Variants in WEE2 observed in about 807,000 individuals in gnomAD.
WEE2 encodes WEE2 oocyte meiosis inhibiting kinase, also known as wee1-like protein kinase 2.
WEE2 carries 50 observed loss-of-function variants against 60.1 expected under a neutral mutation model. The observed-to-expected ratio is 0.83, with a 90% CI of 0.66 to 1.05. WEE2 has a LOEUF of 1.05. WEE2 is among the 50% of genes least tolerant of loss of function. The pLI, the probability that WEE2 is intolerant of heterozygous loss-of-function variation, is 0.00. For synonymous variants in WEE2, 240 were observed against 241.0 expected (o/e 1.00, Z 0.04); for missense variants, 631 against 684.3 (o/e 0.92, Z 0.87).
chr7:141,723,097 T>C, intron 5 of WEE2, 37 bp from the exon 6 acceptor site: 1 of 1,612,364 alleles, frequency 6.2e-7, no homozygotes, highest in Non-Finnish European at 8.5e-7. Flanking sequence ...TCTATAAGAC[T>C]CATACTGTGG....
At chr7:141,727,653 A>G in intron 10 of WEE2, 1 of 542,842 alleles carries the variant, frequency 1.8e-6, no homozygotes, top group Non-Finnish European at 3.1e-6. Context: ...CTTGAGAGAG[A>G]AAATTCCAGT....
chr7:141,723,592 C>G (rs1798958915), intron 6 of WEE2, among the ~76,000 whole-genome samples: 1 of 152,178 alleles, frequency 6.6e-6, no homozygotes, highest in Non-Finnish European at 1.5e-5. Context: ...TAGGGCTATA[C>G]TCATTCTAAC....
intron 8 of WEE2, among the ~76,000 whole-genome samples, 184 bp from the exon 9 acceptor site, chr7:141,724,842 G>C (rs1024048398): frequency 6.6e-6 from 1 of 152,216 alleles, no homozygotes; most frequent in Non-Finnish European, 1.5e-5. Flanking sequence ...GCACAGCAGT[G>C]TTAATCAGGT....
intron 3 of WEE2, among the ~76,000 whole-genome samples, chr7:141,717,223 A>AACTTCAT (rs1444848418): frequency 6.6e-6 from 1 of 152,242 alleles, no homozygotes; most frequent in African/African-American, 2.4e-5. Context: ...GAATGGTGGA[A>AACTTCAT]ACTTCATATT....
At chr7:141,725,229 A>G in intron 9 of WEE2, 33 bp downstream of exon 9, 2 of 1,592,166 alleles carry the variant, frequency 1.3e-6, no homozygotes, top group East Asian at 2.2e-5. Context: ...CAGAAGATGC[A>G]ATATCTATTT....
chr7:141,710,594 A>G (rs1286292765), intron 1 of WEE2, among the ~76,000 whole-genome samples: 1 of 152,240 alleles, frequency 6.6e-6, no homozygotes, highest in African/African-American at 2.4e-5. Flanking sequence ...AGAAGGAATT[A>G]GGAATTACAT....
chr7:141,724,919 G>C, intron 8 of WEE2, 107 bp from the exon 9 acceptor site: 1 of 1,305,216 alleles, frequency 7.7e-7, no homozygotes, highest in Non-Finnish European at 1.1e-6. Context: ...CGTCGTGTCT[G>C]TTTAAACCTT....
intron 5 of WEE2, among the ~76,000 whole-genome samples, chr7:141,721,944 T>C (rs577797702): frequency 4.1e-4 from 63 of 152,366 alleles, no homozygotes; most frequent in African/African-American, 1.3e-3. Flanking sequence ...TTACATGTCA[T>C]GCTAAAATAA....
intron 10 of WEE2, among the ~76,000 whole-genome samples, chr7:141,728,865 G>T (rs1012198254): frequency 2.0e-5 from 3 of 152,206 alleles, no homozygotes; most frequent in African/African-American, 7.2e-5. Context: ...GATCTAGGTT[G>T]TGTACTCCTT....
chr7:141,716,875 A>AT (rs1327412287), intron 3 of WEE2, among the ~76,000 whole-genome samples: 3 of 152,234 alleles, frequency 2.0e-5, no homozygotes, highest in African/African-American at 7.2e-5. Context: ...ATTTGATTTT[A>AT]TAATGTTCAC....
chr7:141,730,275 C>A lies in WEE2; in HGVS notation c.1679-20C>A, dbSNP rs1217820690. ...CCACTGATCAATAACTTATTTACTT[C>A]TCACACTTTTGATGAACAGCAGGAG... On this transcript the variant is annotated intron_variant, in intron 11 of 11. Transcript: ENST00000397541. 6.2e-7 allele frequency: 1 copy of A among 1,612,042 alleles called. No homozygotes were observed. Among genetic ancestry groups the A allele is most frequent in the Non-Finnish European group, 8.5e-7 (1 of 1,178,988 alleles).
At position 141,729,674 on chromosome 7, in the gene WEE2, G is replaced by A; in HGVS notation, c.1678+1G>A. ...AGTGCAAGGTCTTCAAGCTTTACCT[G>A]TGAGTAATCTTCCCCTTAAGAACTC... On this transcript the variant is annotated splice_donor_variant, in intron 11 of 11. Coordinates refer to ENST00000397541, the MANE Select transcript of WEE2 (RefSeq NM_001105558.1). LOFTEE classifies it high-confidence loss of function. 1 of 1,608,736 alleles carries A rather than the reference G, an allele frequency of 6.2e-7. No individual in the cohort carries two copies. Among genetic ancestry groups the A allele is most frequent in the Non-Finnish European group, 8.5e-7 (1 of 1,178,278 alleles).
intron 10 of WEE2, among the ~76,000 whole-genome samples, chr7:141,728,712 G>A (rs977427659): frequency 2.0e-5 from 3 of 152,208 alleles, no homozygotes; most frequent in African/African-American, 4.8e-5. Flanking sequence ...GTACCAGTCT[G>A]TGGCCTGTTA....
chr7:141,729,316 C>T (rs1799081292), intron 10 of WEE2, among the ~76,000 whole-genome samples: 1 of 152,324 alleles, frequency 6.6e-6, no homozygotes, highest in Middle Eastern at 3.4e-3. Context: ...TCAGCAGAGC[C>T]TGGGGAGCTA....
intron 1 of WEE2, among the ~76,000 whole-genome samples, chr7:141,712,458 C>G (rs1798723602): frequency 1.3e-5 from 2 of 152,176 alleles, no homozygotes; most frequent in African/African-American, 4.8e-5. Context: ...CCTGTGTCAT[C>G]TTTCAATAAA....
intron 2 of WEE2, 131 bp from the exon 3 acceptor site, chr7:141,716,091 A>T: frequency 4.2e-6 from 3 of 711,994 alleles, no homozygotes; most frequent in Non-Finnish European, 6.7e-6. Context: ...TTTCCTGGTT[A>T]TCCCTGCCTC....
At position 141,729,682 on chromosome 7, in the gene WEE2, T is replaced by C; in HGVS notation, c.1678+9T>C. On this transcript the variant is annotated intron_variant, in intron 11 of 11. Coordinates refer to ENST00000397541, the MANE Select transcript of WEE2 (RefSeq NM_001105558.1). ...GTCTTCAAGCTTTACCTGTGAGTAA[T>C]CTTCCCCTTAAGAACTCATTTTGCA... The C allele has an allele frequency of 6.2e-7, 1 of 1,606,474 alleles. No individual in the cohort carries two copies. The highest frequency in any genetic ancestry group is 8.5e-7 in the Non-Finnish European group (1 of 1,177,442).
Position 141,723,262 on chromosome 7 carries a change from C to T in WEE2, c.1009C>T (p.His337Tyr), listed in dbSNP as rs1043177294. The change falls in exon 6 of 12, where the codon CAC (histidine) becomes TAC (tyrosine). Residue 337 changes from histidine to tyrosine, a missense_variant. Transcript: ENST00000397541. ...TTACATCCACAACTCTAGCATGGTA[C>T]ACCTGGACATCAAACCTAGTCAGTG... ...LNYIHNSSMVHLDIKPSNIFI... is the reference protein window; with the variant it reads ...LNYIHNSSMVYLDIKPSNIFI... 1 of 1,613,822 alleles carries T rather than the reference C, an allele frequency of 6.2e-7. No individual in the cohort carries two copies. Among genetic ancestry groups the T allele is most frequent in the Non-Finnish European group, 8.5e-7 (1 of 1,179,956 alleles).
rs760825983 is a variant in WEE2, at chr7:141,725,134, C to T, written c.1330C>T (p.Arg444Cys). ...PTNGAAWHHI[R>C]KGNFPDVPQE... is the part of the protein sequence containing the mutation. ...CAATGGTGCTGCATGGCACCATATC[C>T]GCAAGGGTAACTTTCCGGACGTTCC... is the stretch of plus-strand genomic sequence containing the variant. Residue 444 changes from arginine to cysteine, a missense_variant, in exon 9 of 12, where the codon CGC becomes TGC. Physicochemically the swap from Arg to Cys is radical, Grantham distance 180. Transcript: ENST00000397541. 216 of 1,614,026 alleles carry T rather than the reference C, an allele frequency of 1.3e-4. No individual in the cohort carries two copies. Among genetic ancestry groups the T allele is most frequent in the Non-Finnish European group, 1.8e-4 (207 of 1,180,016 alleles).
Sources: allele counts gnomAD v4.1 joint callset (sites outside exome capture counted in the v4.1 genomes callset), GRCh38; gene constraint gnomAD v4.1.1; transcripts MANE v1.5; gene names NCBI Gene and HGNC (gene_info 2026-07-23, HGNC 2026-07-21).